The following ENKD1 variants were observed in gnomAD, a reference collection of about 807,000 sequenced individuals.
ENKD1 encodes enkurin domain containing 1, also known as enkurin domain-containing protein 1.
In ENKD1, 39 loss-of-function variants were observed where a neutral mutation model predicts 35.8. That is an observed-to-expected ratio of 1.09 (90% CI 0.84 to 1.42). The LOEUF is 1.42. Ranked by LOEUF, ENKD1 falls within the 40% of genes most tolerant of loss-of-function variation. The pLI, the probability that ENKD1 is intolerant of heterozygous loss-of-function variation, is 0.00. For synonymous variants in ENKD1, 205 were observed against 198.6 expected (o/e 1.03, Z -0.27); for missense variants, 474 against 471.3 (o/e 1.01, Z -0.05).
At chr16:67,663,885 CCA>C in intron 4 of ENKD1, 50 bp downstream of exon 4, 1 of 1,604,434 alleles carries the variant, frequency 6.2e-7, no homozygotes, top group Non-Finnish European at 8.5e-7. Context: ...AACACCCCCC[CCA>C]CACCAGGAGC....
intron 6 of ENKD1, 29 bp from the exon 7 acceptor site, chr16:67,663,350 AGT>A (rs1567646250): frequency 1.2e-6 from 2 of 1,613,072 alleles, no homozygotes; most frequent in Admixed American, 1.7e-5. Flanking sequence ...CAGTGAGAAC[AGT>A]GAGTGTTGGG....
In ENKD1 at chr16:67,663,760, G is replaced by C. The variant is rs754923936; in HGVS notation, c.640C>G (p.Arg214Gly). The C allele has an allele frequency of 2.4e-5, 38 of 1,610,734 alleles. No individual in the cohort carries two copies. The East Asian group carries it at 6.9e-4, about 29-fold the overall frequency. The change falls in exon 5 of 7, where the codon CGG (arginine) becomes GGG (glycine). Residue 214 changes from arginine (R) to glycine (G), a missense_variant. Coordinates refer to ENST00000243878, the MANE Select transcript of ENKD1 (RefSeq NM_032140.3). ...ACCTGCAGTGAGCAGGAATGCCTCC[G>C]GGGGGCTCTCTTGGCAGCTCGTGCA... ...HNARAAKRAP[R>G]RHSCSLQVLA...
intron 2 of ENKD1, 107 bp from the exon 3 acceptor site, chr16:67,665,275 C>G: frequency 7.8e-7 from 1 of 1,283,710 alleles, no homozygotes; most frequent in Non-Finnish European, 1.1e-6. Context: ...AAAGAGCTCC[C>G]TGACCTCTCC....
chr16:67,666,211 C>G lies in ENKD1; in HGVS notation c.140G>C (p.Arg47Pro). The stretch of plus-strand genomic sequence containing the variant: ...ACGGGGAGCGGTGGTGTCCAGGGCC[C>G]GGTCGGAAGTCAGCAAGTCCAGCTT... ...ALKLDLLTSD[R>P]ALDTTAPRGP... is the part of the protein sequence containing the mutation. The change falls in exon 2 of 7, where the codon CGG becomes CCG. Residue 47 changes from arginine to proline, a missense_variant. By Grantham distance (103) the Arg-to-Pro change is moderately radical. Coordinates refer to ENST00000243878, the MANE Select transcript of ENKD1 (RefSeq NM_032140.3). The G allele has an allele frequency of 6.2e-7, 1 of 1,609,382 alleles. No individual in the cohort carries two copies.
At chr16:67,664,395 G>A (rs773425706) in intron 3 of ENKD1, 57 of 417,672 alleles carry the variant, frequency 1.4e-4, no homozygotes, top group Non-Finnish European at 2.3e-4. Flanking sequence ...CCTTGGTCTC[G>A]TTGTCCTCAA....
Position 67,664,982 on chromosome 16 carries a change from C to T in ENKD1, c.453+14G>A, listed in dbSNP as rs771307659. 76 of 1,590,606 alleles carry T rather than the reference C, an allele frequency of 4.8e-5. No homozygotes were observed. The Middle Eastern group carries it at 8.4e-4, about 18-fold the overall frequency. The stretch of plus-strand genomic sequence containing the variant: ...ACAAAATGGATAATACTTCTGGCTC[C>T]CTGAAGCAGGTACCTGGAGCTGGGC... On this transcript the variant is annotated intron_variant, in intron 3 of 6. Transcript: ENST00000243878.
Position 67,663,080 on chromosome 16 carries a change from G to A in ENKD1, c.*81C>T. 3 of 1,541,672 alleles carry A rather than the reference G, an allele frequency of 1.9e-6. No individual in the cohort carries two copies. The highest frequency in any genetic ancestry group is 1.8e-6 in the Non-Finnish European group (2 of 1,135,902). ...GCTCCTGTCTTCAGACCTCTGCTCT[G>A]GGATTGGGTCCAACCCTGTCCTTTG... On this transcript the variant is annotated 3_prime_UTR_variant, in exon 7 of 7. Coordinates refer to ENST00000243878, the MANE Select transcript of ENKD1 (RefSeq NM_032140.3).
Position 67,663,759 on chromosome 16 carries a change from CG to C in ENKD1, c.640del (p.Arg214GlyfsTer14), listed in dbSNP as rs772512087. On this transcript the variant is annotated frameshift_variant, in exon 5 of 7. Coordinates refer to ENST00000243878, the MANE Select transcript of ENKD1 (RefSeq NM_032140.3). LOFTEE classifies it high-confidence loss of function. ...GACCTGCAGTGAGCAGGAATGCCTC[CG>C]GGGGGCTCTCTTGGCAGCTCGTGCA... ...HNARAAKRAP[R>X]RHSCSLQVLA... The C allele has an allele frequency of 6.2e-7, 1 of 1,611,082 alleles. No homozygotes were observed. The highest frequency in any genetic ancestry group is 8.5e-7 in the Non-Finnish European group (1 of 1,178,664).
chr16:67,663,982 G>T lies in ENKD1; in HGVS notation c.534C>A (p.Pro178=). Reference sequence around the variant, plus strand: ...GGGTTGGCTGGGGACTAGATACATGGGGTGGTGGGAGGCCAGGGCCGCAGC... The same window carrying T: ...GGGTTGGCTGGGGACTAGATACATGTGGTGGTGGGAGGCCAGGGCCGCAGC... ...HSRCGPGLPP[P]HVSSPQPTPP... Residue 178 remains proline, a synonymous_variant, in exon 4 of 7, where the codon CCC becomes CCA. Coordinates refer to ENST00000243878, the MANE Select transcript of ENKD1 (RefSeq NM_032140.3). The T allele has an allele frequency of 6.3e-7, 1 of 1,596,890 alleles. No homozygotes were observed.
chr16:67,664,143 T>G (rs1315690048), intron 3 of ENKD1, 81 bp from the exon 4 acceptor site: 25 of 1,320,138 alleles, frequency 1.9e-5, no homozygotes, highest in Non-Finnish European at 2.4e-5. Flanking sequence ...ATCTTGGCCC[T>G]TCTGACCTTT....
At chr16:67,665,271 C>G in intron 2 of ENKD1, 103 bp from the exon 3 acceptor site, 2 of 1,317,090 alleles carry the variant, frequency 1.5e-6, no homozygotes, top group Non-Finnish European at 2.1e-6. Context: ...ACAGAAAGAG[C>G]TCCCTGACCT....
chr16:67,664,809 G>T, intron 3 of ENKD1, 187 bp downstream of exon 3: 1 of 638,660 alleles, frequency 1.6e-6, no homozygotes, highest in Non-Finnish European at 2.6e-6. Flanking sequence ...ATTGCTACTT[G>T]CCCTCAGGAT....
chr16:67,663,513 G>T lies in ENKD1; in HGVS notation c.787C>A (p.Arg263Ser). The T allele has an allele frequency of 6.2e-7, 1 of 1,612,160 alleles. No individual in the cohort carries two copies. Reference sequence around the variant, plus strand: ...GCAGGGTCCGGCTGGCTCTGCTTGCGGGCCTCGGCCTCCCGCCGCCACAGG... The same window carrying T: ...GCAGGGTCCGGCTGGCTCTGCTTGCTGGCCTCGGCCTCCCGCCGCCACAGG... ...RDLWRREAEARKQSQPDPAMP... is the reference protein window; with the variant it reads ...RDLWRREAEASKQSQPDPAMP... Residue 263 changes from arginine (R) to serine (S), a missense_variant, in exon 6 of 7, where the codon CGC (arginine) becomes AGC (serine). Transcript: ENST00000243878.
Position 67,663,544 on chromosome 16 carries a change from G to A in ENKD1, c.756C>T (p.Arg252=). ...CGGCCTCCCGCCGCCACAGGTCCCTGCGCTCCAACAAGCTGTGGGTACACA... is the reference window on the plus strand; with the variant it reads ...CGGCCTCCCGCCGCCACAGGTCCCTACGCTCCAACAAGCTGTGGGTACACA... ...KGHVPHYLLE[R]RDLWRREAEA... The change falls in exon 6 of 7, where the codon CGC becomes CGT. Residue 252 remains arginine, a synonymous_variant. Coordinates refer to ENST00000243878, the MANE Select transcript of ENKD1 (RefSeq NM_032140.3). 1 of 1,612,066 alleles carries A rather than the reference G, an allele frequency of 6.2e-7. No homozygotes were observed. Among genetic ancestry groups the A allele is most frequent in the Non-Finnish European group, 8.5e-7 (1 of 1,179,390 alleles).
chr16:67,664,104 T>A, intron 3 of ENKD1, 42 bp from the exon 4 acceptor site: 1 of 1,532,382 alleles, frequency 6.5e-7, no homozygotes, highest in Non-Finnish European at 8.8e-7. Context: ...CAGGCTGAGG[T>A]CTGGGGCTCA....
In ENKD1 at chr16:67,663,576, G is replaced by A. The variant is rs974054244; in HGVS notation, c.744-20C>T. 3.7e-6 allele frequency: 6 copies of A among 1,608,778 alleles called. No homozygotes were observed. The highest frequency in any genetic ancestry group is 1.1e-5 in the South Asian group (1 of 90,790). On this transcript the variant is annotated intron_variant, in intron 5 of 6. Transcript: ENST00000243878. ...AACAAGCTGTGGGTACACAGGCTCAGAGTTGATGACCCGAGGGCAGAGGTT... is the reference window on the plus strand; with the variant it reads ...AACAAGCTGTGGGTACACAGGCTCAAAGTTGATGACCCGAGGGCAGAGGTT...
rs769175759 is a variant in ENKD1 at position 67,664,007 on chromosome 16, C to T, written c.509G>A (p.Arg170His). The T allele has an allele frequency of 5.1e-6, 8 of 1,576,580 alleles. No individual in the cohort carries two copies. Among genetic ancestry groups the T allele is most frequent in the Non-Finnish European group, 4.3e-6 (5 of 1,160,508 alleles). Residue 170 changes from arginine to histidine, a missense_variant, in exon 4 of 7, where the codon CGC (arginine) becomes CAC (histidine). Physicochemically the swap from Arg to His is conservative, Grantham distance 29 (BLOSUM62 0). Transcript: ENST00000243878. ...ESAHFLRAHS[R>H]CGPGLPPPHV... ...GGGTGGTGGGAGGCCAGGGCCGCAG[C>T]GGGAGTGCGCCCGCAGGAAGTGGGC...
chr16:67,663,979 A>G lies in ENKD1; in HGVS notation c.537T>C (p.His179=), dbSNP rs1159566507. 3 of 1,597,830 alleles carry G rather than the reference A, an allele frequency of 1.9e-6. No individual in the cohort carries two copies. The highest frequency in any genetic ancestry group is 2.6e-6 in the Non-Finnish European group (3 of 1,171,716). The change falls in exon 4 of 7, where the codon CAT becomes CAC. Residue 179 remains histidine, a synonymous_variant. Coordinates refer to ENST00000243878, the MANE Select transcript of ENKD1 (RefSeq NM_032140.3). ...GTGGGGTTGGCTGGGGACTAGATAC[A>G]TGGGGTGGTGGGAGGCCAGGGCCGC... ...SRCGPGLPPP[H]VSSPQPTPPG...
Position 67,663,923 on chromosome 16 carries a change from A to G in ENKD1, c.579+14T>C. 1 of 1,607,370 alleles carries G rather than the reference A, an allele frequency of 6.2e-7. No homozygotes were observed. The stretch of plus-strand genomic sequence containing the variant: ...CCTGCCCAACCACCATCTAGCCCCC[A>G]TACATCCTCTCACCTTAGCTTCGGG... On this transcript the variant is annotated intron_variant, in intron 4 of 6. Transcript: ENST00000243878.
Sources: gnomAD v4.1 joint callset for allele counts on GRCh38, gnomAD v4.1.1 for gene constraint, MANE v1.5 for transcripts, NCBI Gene and HGNC (gene_info 2026-07-23, HGNC 2026-07-21) for gene names.